The following CALD1 variants were observed in gnomAD, a reference collection of about 807,000 sequenced individuals.
CALD1 encodes the protein caldesmon.
A neutral mutation model predicts 99.9 loss-of-function variants in CALD1; 33 were observed. That is an observed-to-expected ratio of 0.33 (90% CI 0.25 to 0.44). The LOEUF (loss-of-function observed/expected upper bound fraction) is 0.44. Ranked by LOEUF, CALD1 falls within the 20% of genes least tolerant of loss-of-function variation. The probability of loss-of-function intolerance (pLI) is 1.00; values close to 1 mark genes in which losing one functional copy is unlikely to be tolerated. For synonymous variants in CALD1, 310 were observed against 325.0 expected (o/e 0.95, Z 0.50); for missense variants, 861 against 962.1 (o/e 0.89, Z 1.39).
intron 7 of CALD1, among the ~76,000 whole-genome samples, chr7:134,944,738 C>T (rs770013424): frequency 3.9e-5 from 6 of 152,138 alleles, no homozygotes; most frequent in Non-Finnish European, 7.4e-5. Flanking sequence ...AATGACCTTA[C>T]TACTTGCTAA....
In CALD1 at chr7:134,935,692, A is replaced by C; in HGVS notation, c.1313A>C (p.Glu438Ala). The change falls in exon 6 of 15, where the codon GAA (glutamate) becomes GCA (alanine). Residue 438 changes from glutamate to alanine, a missense_variant. Physicochemically the swap from Glu to Ala is moderately radical, Grantham distance 107. Transcript: ENST00000361675. ...ACCATTCTTGAAAATAAAAAGGGAG[A>C]AGAGAAGGGAACTAAAGTGCAAGCT... Reference protein sequence around the residue: ...LQTAVLKKQGEEKGTKVQAKR... With the variant: ...LQTAVLKKQGAEKGTKVQAKR... 1 of 1,604,568 alleles carries C rather than the reference A, an allele frequency of 6.2e-7. No individual in the cohort carries two copies. The highest frequency in any genetic ancestry group is 8.5e-7 in the Non-Finnish European group (1 of 1,176,062).
At chr7:134,747,961 C>T (rs1210495025) in intron 1 of CALD1, among the ~76,000 whole-genome samples, 2 of 152,216 alleles carry the variant, frequency 1.3e-5, no homozygotes, top group Non-Finnish European at 2.9e-5. Context: ...ACAGAGAGAG[C>T]TGTGCCATAG....
In CALD1 at chr7:134,969,062, A is replaced by G. The variant is rs1411431442; in HGVS notation, c.*717A>G. On this transcript the variant is annotated 3_prime_UTR_variant, in exon 15 of 15. Transcript: ENST00000361675. ...TGTATGTGCATACACATATACAAAC[A>G]CACTAATGGTAGAATGCTTTTTTAT... The G allele has an allele frequency of 6.4e-6, 1 of 155,200 alleles. No individual in the cohort carries two copies. Among genetic ancestry groups the G allele is most frequent in the Admixed American group, 6.3e-5 (1 of 15,852 alleles). 9.6% of individuals were successfully genotyped at this position (155,200 alleles called of 1,614,324 possible). A position where few individuals can be genotyped will look rare whatever the true frequency, so the allele number is the denominator to read the frequency against.
At chr7:134,843,167 C>A (rs1190139312) in intron 1 of CALD1, among the ~76,000 whole-genome samples, 1 of 152,142 alleles carries the variant, frequency 6.6e-6, no homozygotes, top group African/African-American at 2.4e-5. Context: ...CCTGCAGAGA[C>A]CTTTGGCAAC....
At chr7:134,827,151 A>G (rs1038243495) in intron 1 of CALD1, among the ~76,000 whole-genome samples, 3 of 152,240 alleles carry the variant, frequency 2.0e-5, no homozygotes, top group African/African-American at 7.2e-5. Flanking sequence ...AAAATACAAT[A>G]GTTATCTACC....
intron 7 of CALD1, 46 bp from the exon 8 acceptor site, chr7:134,947,462 A>G (rs751006786): frequency 1.3e-6 from 2 of 1,536,650 alleles, no homozygotes; most frequent in South Asian, 2.4e-5. Flanking sequence ...CAGGGAGACT[A>G]CAGGCAAAAG....
At chr7:134,962,964 TA>T in intron 13 of CALD1, 1 of 455,662 alleles carries the variant, frequency 2.2e-6, no homozygotes, top group South Asian at 1.6e-5. Flanking sequence ...CCCTTTGATT[TA>T]AAATGCCAAC....
intron 8 of CALD1, among the ~76,000 whole-genome samples, chr7:134,948,869 C>CTT (rs563118718): frequency 2.1e-5 from 3 of 141,990 alleles, no homozygotes; most frequent in African/African-American, 7.7e-5. Context: ...ACACCCCAGG[C>CTT]TTTTTTTTTT....
At chr7:134,761,450 TA>T (rs572111543) in intron 1 of CALD1, among the ~76,000 whole-genome samples, 1 of 133,472 alleles carries the variant, frequency 7.5e-6, no homozygotes, top group African/African-American at 2.6e-5. Context: ...AATTTAAAGT[TA>T]AAAAAAATAA....
intron 8 of CALD1, among the ~76,000 whole-genome samples, chr7:134,948,446 T>C (rs1327631905): frequency 2.6e-5 from 4 of 152,182 alleles, no homozygotes; most frequent in Admixed American, 1.3e-4. Flanking sequence ...TATGAAATAA[T>C]GTTTAACCAA....
chr7:134,947,858 A>C, intron 8 of CALD1, 89 bp downstream of exon 8: 1 of 1,460,708 alleles, frequency 6.8e-7, no homozygotes, highest in Non-Finnish European at 9.2e-7. Context: ...GCTCTCAAAA[A>C]TATTTTTTTA....
intron 1 of CALD1, among the ~76,000 whole-genome samples, chr7:134,831,763 C>T (rs76246253): frequency 0.086 from 13,021 of 152,162 alleles, 702 homozygotes; most frequent in Non-Finnish European, 0.11. Flanking sequence ...GAGTTATCTG[C>T]GAGTTACCGG....
Position 134,968,563 on chromosome 7 carries a change from T to G in CALD1, c.*218T>G. The G allele has an allele frequency of 1.4e-6, 1 of 701,170 alleles. No homozygotes were observed. Among genetic ancestry groups the G allele is most frequent in the Non-Finnish European group, 2.6e-6 (1 of 382,124 alleles). The allele number at this position is 701,170 out of a possible 1,614,324, so 43.4% of individuals were successfully genotyped here. A position where few individuals can be genotyped will look rare whatever the true frequency, so the allele number is the denominator to read the frequency against. On this transcript the variant is annotated 3_prime_UTR_variant, in exon 15 of 15. Coordinates refer to ENST00000361675, the MANE Select transcript of CALD1 (RefSeq NM_033138.4). ...TACTGCCTTTGCACAGGAGCCTGTTTCTAAAGAAACCCATGCTGTGAAATA... is the reference window on the plus strand; with the variant it reads ...TACTGCCTTTGCACAGGAGCCTGTTGCTAAAGAAACCCATGCTGTGAAATA...
intron 1 of CALD1, among the ~76,000 whole-genome samples, chr7:134,781,148 G>C (rs991303970): frequency 6.6e-6 from 1 of 152,196 alleles, no homozygotes; most frequent in South Asian, 2.1e-4. Flanking sequence ...GCAGGCAAAA[G>C]CTATAGTTTA....
At chr7:134,817,310 A>C (rs1180583797) in intron 1 of CALD1, among the ~76,000 whole-genome samples, 4 of 152,094 alleles carry the variant, frequency 2.6e-5, no homozygotes, top group African/African-American at 7.2e-5. Context: ...CATTTATTTT[A>C]ATTTTTTTCA....
chr7:134,776,480 TG>T (rs1401854716), upstream of CALD1, among the ~76,000 whole-genome samples: 2 of 152,220 alleles, frequency 1.3e-5, no homozygotes, highest in African/African-American at 4.8e-5. Context: ...ATCTCTGGAT[TG>T]GTCTTATCTC....
At chr7:134,837,348 T>A (rs55968800) in intron 1 of CALD1, among the ~76,000 whole-genome samples, 1 of 130,034 alleles carries the variant, frequency 7.7e-6, no homozygotes, top group Non-Finnish European at 1.7e-5. Flanking sequence ...GTTCTCCTTT[T>A]TTTTTTTTTC....
At chr7:134,726,286 A>G in the CALD1 span, among the ~76,000 whole-genome samples, 1 of 148,584 alleles carries the variant, frequency 6.7e-6, no homozygotes, top group African/African-American at 2.4e-5. Context: ...ATATAACTAT[A>G]TAAGCATATA....
intron 6 of CALD1, among the ~76,000 whole-genome samples, chr7:134,937,499 A>G (rs1046387103): frequency 1.3e-5 from 2 of 152,242 alleles, no homozygotes; most frequent in Admixed American, 1.3e-4. Flanking sequence ...TACTGTGTAC[A>G]TAACCTGCTG....
Sources: allele counts gnomAD v4.1 joint callset (sites outside exome capture counted in the v4.1 genomes callset), GRCh38; gene constraint gnomAD v4.1.1; transcripts MANE v1.5; gene names NCBI Gene and HGNC (gene_info 2026-07-23, HGNC 2026-07-21).